Variants in RADIL observed in about 807,000 individuals in gnomAD.
RADIL encodes ras-associating and dilute domain-containing protein.
In RADIL, 99 loss-of-function variants were observed where a neutral mutation model predicts 97.6. The ratio of observed to expected loss-of-function variants is 1.01; its 90% CI spans 0.86 to 1.20. The LOEUF (loss-of-function observed/expected upper bound fraction) is 1.20, where lower values mean the gene tolerates loss of function less well. Among genes scored for constraint, RADIL ranks in the 50% most tolerant of loss-of-function variants. The probability of loss-of-function intolerance (pLI) is 0.00; values close to 1 mark genes in which losing one functional copy is unlikely to be tolerated. For synonymous variants in RADIL, 803 were observed against 691.8 expected, an observed-to-expected ratio of 1.16 and a Z score of -2.52; for missense variants, 1,765 against 1,498.9, an observed-to-expected ratio of 1.18 and a Z score of -2.93.
intron 2 of RADIL, chr7:4,838,069 G>A (rs913347582): frequency 6.1e-6 from 6 of 985,314 alleles, no homozygotes; most frequent in Non-Finnish European, 7.2e-6. Context: ...CAGCCCGCAG[G>A]GGGCCAGGGC....
chr7:4,832,891 T>A (rs1783187910), intron 4 of RADIL, among the ~76,000 whole-genome samples: 1 of 152,172 alleles, frequency 6.6e-6, no homozygotes, highest in Non-Finnish European at 1.5e-5. Flanking sequence ...CAGTTGCACA[T>A]TCTCAGGAAA....
At chr7:4,862,897 C>A (rs1482641489) in intron 2 of RADIL, among the ~76,000 whole-genome samples, 4 of 144,676 alleles carry the variant, frequency 2.8e-5, no homozygotes, top group African/African-American at 1.0e-4. Flanking sequence ...AACTCTGTCT[C>A]AAAAAAAAAA....
chr7:4,836,142 C>T (rs1036576552), intron 3 of RADIL, among the ~76,000 whole-genome samples: 2 of 152,156 alleles, frequency 1.3e-5, no homozygotes, highest in Non-Finnish European at 2.9e-5. Context: ...GTGAGGAGCC[C>T]CCACTGCCGC....
At chr7:4,866,570 A>G (rs1040940978) in intron 2 of RADIL, among the ~76,000 whole-genome samples, 6 of 152,172 alleles carry the variant, frequency 3.9e-5, no homozygotes, top group African/African-American at 9.7e-5. Flanking sequence ...CCTTGGGGAA[A>G]TCATTTAATT....
chr7:4,847,739 C>CAAAAAAAAAA lies in RADIL; in HGVS notation c.536-11144_536-11135dup, dbSNP rs56177809. ...TATGCTACGTGAAAAAAGCTAGATG[C>CAAAAAAAAAA]AAAAAAAAAAAAAAAAAAAAAAAAA... On this transcript the variant is annotated intron_variant, in intron 2 of 14. Transcript: ENST00000399583. 2.0e-3 allele frequency among the ~76,000 whole-genome samples: 48 copies of CAAAAAAAAAA among 23,806 alleles called. 10 individuals are homozygous for CAAAAAAAAAA. The highest frequency in any genetic ancestry group is 2.1e-3 in the Non-Finnish European group (29 of 13,608). 15.6% of individuals were successfully genotyped at this position (23,806 alleles called of 152,430 possible). A position where few individuals can be genotyped will look rare whatever the true frequency, so the allele number is the denominator to read the frequency against.
At chr7:4,876,338 T>C (rs1232025478) in intron 2 of RADIL, among the ~76,000 whole-genome samples, 2 of 152,230 alleles carry the variant, frequency 1.3e-5, no homozygotes, top group African/African-American at 2.4e-5. Flanking sequence ...TTCGTTCTTG[T>C]TGCCCAGGCT....
intron 2 of RADIL, among the ~76,000 whole-genome samples, chr7:4,855,790 G>C (rs898365782): frequency 6.6e-6 from 1 of 151,808 alleles, no homozygotes; most frequent in Non-Finnish European, 1.5e-5. Flanking sequence ...TGGGTTGTTG[G>C]GGATTTTATT....
In RADIL at chr7:4,861,127, G is replaced by T. The variant is rs376442403; in HGVS notation, c.535+16478C>A. ...TATTGTGGCACTTGGCCCACAGTTT[G>T]ATGGCTCTCAGAGTCAGCCTGAAGT... On this transcript the variant is annotated intron_variant, in intron 2 of 14. Coordinates refer to ENST00000399583, the MANE Select transcript of RADIL (RefSeq NM_018059.5). 5.0e-6 allele frequency: 8 copies of T among 1,614,102 alleles called. No homozygotes were observed. In the African/African-American group the frequency reaches 9.3e-5, roughly 19 times the overall value.
In RADIL at chr7:4,854,694, AAAACAAAC is replaced by A. The variant is rs1218398419; in HGVS notation, c.536-18097_536-18090del. Among the ~76,000 whole-genome samples, 1 of 152,252 alleles carries A rather than the reference AAAACAAAC, an allele frequency of 6.6e-6. No individual in the cohort carries two copies. On this transcript the variant is annotated intron_variant, in intron 2 of 14. Transcript: ENST00000399583. The surrounding 1 kb of genome is among the most constrained non-coding windows in gnomAD (Gnocchi z 5.1). ...GGGCGACAGAGCGAGACTCCGTATC[AAAACAAAC>A]AAACAAACAAAAACAAAAAGATACC...
intron 9 of RADIL, among the ~76,000 whole-genome samples, chr7:4,810,690 T>A (rs1782517938): frequency 6.6e-6 from 1 of 152,236 alleles, no homozygotes; most frequent in Non-Finnish European, 1.5e-5. Flanking sequence ...ATGCACTCGG[T>A]CAGCTTCAGC....
Position 4,836,397 on chromosome 7 carries a change from G to C in RADIL, c.744C>G (p.Ser248=). The part of the protein sequence containing the change: ...PDAMRYSLYQ[S]PHLLLLQGYS... ...AGCCCTGCAGAAGGAGCAGATGCGG[G>C]GACTGGTACAGCGAGTACCGCATGG... The change falls in exon 3 of 15, where the codon TCC becomes TCG. Residue 248 remains serine, a synonymous_variant. Transcript: ENST00000399583. The C allele has an allele frequency of 6.3e-7, 1 of 1,578,022 alleles. No homozygotes were observed. Among genetic ancestry groups the C allele is most frequent in the Non-Finnish European group, 8.6e-7 (1 of 1,161,962 alleles).
At chr7:4,860,717 G>A (rs753241581) in intron 2 of RADIL, 1 of 1,614,104 alleles carries the variant, frequency 6.2e-7, no homozygotes, top group Non-Finnish European at 8.5e-7. Flanking sequence ...GAAGCTTGGA[G>A]CTTCAAAGAG....
chr7:4,847,776 A>G (rs1026957836), intron 2 of RADIL, among the ~76,000 whole-genome samples: 15 of 141,652 alleles, frequency 1.1e-4, no homozygotes, highest in African/African-American at 3.9e-4. Flanking sequence ...ACACACAGGT[A>G]TGACTCTATA....
intron 10 of RADIL, among the ~76,000 whole-genome samples, chr7:4,804,399 C>T (rs558801145): frequency 3.9e-5 from 6 of 152,246 alleles, no homozygotes; most frequent in African/African-American, 1.4e-4. Context: ...AAGGCCCCAT[C>T]GCCTCTGCGC....
intron 5 of RADIL, 123 bp downstream of exon 5, chr7:4,832,018 A>G (rs1783156780): frequency 9.9e-7 from 1 of 1,009,172 alleles, no homozygotes; most frequent in Non-Finnish European, 1.5e-6. Flanking sequence ...CTTGGATGGA[A>G]GGACAAAGCC....
chr7:4,816,603 C>T, intron 7 of RADIL, 138 bp from the exon 8 acceptor site: 1 of 688,870 alleles, frequency 1.5e-6, no homozygotes, highest in Non-Finnish European at 2.5e-6. Flanking sequence ...CTGGACAGGC[C>T]ATGGCTTTGC....
At chr7:4,800,721 TAGCCC>T (rs369235162) in intron 12 of RADIL, among the ~76,000 whole-genome samples, 4 of 152,122 alleles carry the variant, frequency 2.6e-5, no homozygotes, top group South Asian at 2.1e-4. Context: ...CCCCAGGCCC[TAGCCC>T]AGCCCAGCCC....
chr7:4,866,124 GTGTGCGTGTGCA>G (rs1019431615), intron 2 of RADIL, among the ~76,000 whole-genome samples: 15 of 152,148 alleles, frequency 9.9e-5, no homozygotes, highest in Non-Finnish European at 1.3e-4. Context: ...ATATCTGTGT[GTGTGCGTGTGCA>G]TGTGCGTGTG....
At chr7:4,850,466 T>C (rs1783682201) in intron 2 of RADIL, among the ~76,000 whole-genome samples, 1 of 152,162 alleles carries the variant, frequency 6.6e-6, no homozygotes, top group Non-Finnish European at 1.5e-5. Flanking sequence ...ATATGGAGGT[T>C]ATTTGCTGGG....
Sources: allele counts gnomAD v4.1 joint callset (sites outside exome capture counted in the v4.1 genomes callset), GRCh38; gene constraint gnomAD v4.1.1; non-coding constraint Gnocchi (gnomAD v3.1); transcripts MANE v1.5; gene names NCBI Gene and HGNC (gene_info 2026-07-23, HGNC 2026-07-21).